MKLN1: variants seen among roughly 807,000 people sequenced by gnomAD.
MKLN1 encodes the protein muskelin.
MKLN1 carries 18 observed loss-of-function variants against 99.0 expected under a neutral mutation model. The observed-to-expected ratio is 0.18, with a 90% CI of 0.13 to 0.27. The LOEUF is 0.27. Ranked by LOEUF, MKLN1 falls within the 10% of genes least tolerant of loss-of-function variation. The pLI is 1.00. For synonymous variants in MKLN1, 288 were observed against 293.2 expected (o/e 0.98, Z 0.18); for missense variants, 621 against 875.9 (o/e 0.71, Z 3.67).
At chr7:131,228,819 A>G (rs1797196706) in intron 3 of MKLN1, among the ~76,000 whole-genome samples, 2 of 152,206 alleles carry the variant, frequency 1.3e-5, no homozygotes, top group South Asian at 4.1e-4. Flanking sequence ...GTTTCTTCTC[A>G]CTTGTACTCG....
intron 8 of MKLN1, among the ~76,000 whole-genome samples, chr7:131,424,243 G>A (rs1029548296): frequency 6.6e-5 from 10 of 151,776 alleles, no homozygotes; most frequent in African/African-American, 2.4e-4. Flanking sequence ...TTCTCTCGGT[G>A]TCTTAACTAA....
intron 3 of MKLN1, among the ~76,000 whole-genome samples, chr7:131,297,338 T>C (rs1217311923): frequency 6.6e-6 from 1 of 151,966 alleles, no homozygotes; most frequent in Non-Finnish European, 1.5e-5. Flanking sequence ...TCCAGTCTGG[T>C]GACAGAGCGA....
intron 1 of MKLN1, among the ~76,000 whole-genome samples, chr7:131,112,675 C>G (rs1475631905): frequency 1.3e-5 from 2 of 152,160 alleles, no homozygotes; most frequent in Non-Finnish European, 2.9e-5. Context: ...GTAGCTGGGG[C>G]TACAGGTGCA....
intron 1 of MKLN1, among the ~76,000 whole-genome samples, chr7:131,365,253 T>TTTTC (rs748262038): frequency 1.3e-5 from 2 of 152,220 alleles, no homozygotes; most frequent in Admixed American, 6.5e-5. Flanking sequence ...GTCATGTATG[T>TTTTC]TTTCTTTCAA....
intron 1 of MKLN1, among the ~76,000 whole-genome samples, chr7:131,140,860 A>G (rs1354698451): frequency 6.6e-6 from 1 of 151,898 alleles, no homozygotes; most frequent in African/African-American, 2.4e-5. Context: ...GCTCACTGCA[A>G]TCTCCGCCTC....
At chr7:131,125,679 T>A (rs903854227) in intron 1 of MKLN1, among the ~76,000 whole-genome samples, 7 of 152,124 alleles carry the variant, frequency 4.6e-5, no homozygotes, top group Non-Finnish European at 4.4e-5. Flanking sequence ...GAGACCAGCC[T>A]GGGCAACAAA....
At position 131,445,837 on chromosome 7, in the gene MKLN1, A is replaced by C; in HGVS notation, c.1459A>C (p.Ser487Arg). ...AAAGACCTATTTGAATGATTTCTTT[A>C]GTTATGATGTGGACTCTGATCATGT... ...RSKTYLNDFF[S>R]YDVDSDHVDI... Residue 487 changes from serine to arginine, a missense_variant, in exon 12 of 18, where the codon AGT becomes CGT. Ser to Arg is a moderately radical substitution (Grantham distance 110, BLOSUM62 -1). Around this residue, in one of 8 missense-constraint regions of MKLN1, gnomAD observed 361 missense variants for 540.8 expected, o/e 0.67. Coordinates refer to ENST00000352689, the MANE Select transcript of MKLN1 (RefSeq NM_013255.5). 6.2e-7 allele frequency: 1 copy of C among 1,608,844 alleles called. No individual in the cohort carries two copies.
At position 131,331,716 on chromosome 7, in the gene MKLN1, TGGCTATTGTATATGTCTAATTG is replaced by T. The variant is rs1799080991; in HGVS notation, c.98+3720_98+3741del. Among the ~76,000 whole-genome samples the T allele has an allele frequency of 2.0e-5, 3 of 152,350 alleles. No individual in the cohort carries two copies. The South Asian group carries it at 6.2e-4, about 32-fold the overall frequency. ...TACGAAAGCTGTTCATTATTATACA[TGGCTATTGTATATGTCTAATTG>T]AGATTACAGATAAGCGCTCTAAGGT... On this transcript the variant is annotated intron_variant, in intron 1 of 17. Transcript: ENST00000352689.
chr7:131,279,044 A>G (rs1210424029), intron 3 of MKLN1, among the ~76,000 whole-genome samples: 1 of 152,234 alleles, frequency 6.6e-6, no homozygotes, highest in Non-Finnish European at 1.5e-5. Context: ...GCCACCTTTC[A>G]TTCATCCAAC....
chr7:131,421,827 AACTC>A lies in MKLN1; in HGVS notation c.847+7123_847+7126del, dbSNP rs1407066583. On this transcript the variant is annotated intron_variant, in intron 8 of 17. Transcript: ENST00000352689. ...AAAAGCAGTGTTGAGGGGAAAAAGT[AACTC>A]ACTCATAATTCCACATTCTAAAAAA... Among the ~76,000 whole-genome samples, 15 of 152,352 alleles carry A rather than the reference AACTC, an allele frequency of 9.8e-5. No individual in the cohort carries two copies. In the South Asian group the frequency reaches 1.9e-3, roughly 19 times the overall value.
chr7:131,463,606 T>G (rs575922416), intron 13 of MKLN1, among the ~76,000 whole-genome samples: 1 of 152,292 alleles, frequency 6.6e-6, no homozygotes, highest in South Asian at 2.1e-4. Context: ...AGAATTGTAT[T>G]TTAGTCTAGG....
chr7:131,132,224 G>A (rs1315085425), intron 1 of MKLN1, among the ~76,000 whole-genome samples: 4 of 152,202 alleles, frequency 2.6e-5, no homozygotes, highest in Non-Finnish European at 4.4e-5. Context: ...AGTCAGCAGT[G>A]TGGCTGTGAG....
At chr7:131,385,896 G>A (rs1437211827) in intron 2 of MKLN1, among the ~76,000 whole-genome samples, 6 of 151,548 alleles carry the variant, frequency 4.0e-5, no homozygotes, top group Non-Finnish European at 8.8e-5. Context: ...ATTTTATTTT[G>A]TTTGTACTTT....
chr7:131,446,403 G>A (rs1233778320), intron 12 of MKLN1, among the ~76,000 whole-genome samples: 2 of 152,136 alleles, frequency 1.3e-5, no homozygotes, highest in East Asian at 3.8e-4. Context: ...TATTAATAGT[G>A]CTCCATTCAT....
At chr7:131,418,739 TTTA>T (rs1162497370) in intron 8 of MKLN1, among the ~76,000 whole-genome samples, 1 of 152,174 alleles carries the variant, frequency 6.6e-6, no homozygotes, top group Non-Finnish European at 1.5e-5. Flanking sequence ...GGAGTTGATT[TTTA>T]TTTACTTATT....
At chr7:131,453,686 C>T (rs1584759515) in intron 12 of MKLN1, among the ~76,000 whole-genome samples, 1 of 152,054 alleles carries the variant, frequency 6.6e-6, no homozygotes, top group East Asian at 1.9e-4. Context: ...GAAGACCCTT[C>T]TAAACATGCC....
intron 3 of MKLN1, among the ~76,000 whole-genome samples, chr7:131,235,222 TTCTC>T (rs769283667): frequency 6.6e-6 from 1 of 151,726 alleles, no homozygotes; most frequent in African/African-American, 2.4e-5. Context: ...CTCTATCTCT[TTCTC>T]TCTGTGTCTC....
chr7:131,463,183 A>G, intron 12 of MKLN1, 34 bp from the exon 13 acceptor site: 1 of 1,525,144 alleles, frequency 6.6e-7, no homozygotes, highest in Non-Finnish European at 9.0e-7. Context: ...TCTAATGTGA[A>G]TATTTTCATC....
intron 15 of MKLN1, among the ~76,000 whole-genome samples, chr7:131,468,126 G>A (rs537188530): frequency 1.3e-5 from 2 of 152,248 alleles, no homozygotes; most frequent in Admixed American, 1.3e-4. Context: ...TTAACATTCC[G>A]GATAAACTTT....
Sources: allele counts gnomAD v4.1 joint callset (sites outside exome capture counted in the v4.1 genomes callset), GRCh38; gene constraint gnomAD v4.1.1; regional missense constraint gnomAD v4.1.1; transcripts MANE v1.5; gene names NCBI Gene and HGNC (gene_info 2026-07-23, HGNC 2026-07-21).